CRLS1: variants seen among roughly 807,000 people sequenced by gnomAD.
The protein encoded by CRLS1 is cardiolipin synthase (CMP-forming).
In CRLS1, 24 loss-of-function variants were observed where a neutral mutation model predicts 37.0. The ratio of observed to expected loss-of-function variants is 0.65; its 90% CI spans 0.47 to 0.91. CRLS1 has a LOEUF of 0.91. Ranked by LOEUF, CRLS1 falls within the 40% of genes least tolerant of loss-of-function variation. The probability of loss-of-function intolerance (pLI) is 0.00; values close to 1 mark genes in which losing one functional copy is unlikely to be tolerated. For synonymous variants in CRLS1, 135 were observed against 159.7 expected, an observed-to-expected ratio of 0.85 and a Z score of 1.17; for missense variants, 373 against 395.8, an observed-to-expected ratio of 0.94 and a Z score of 0.49.
chr20:6,011,572 CTTTTTTTTT>C (rs559511975), intron 2 of CRLS1, among the ~76,000 whole-genome samples: 132 of 27,838 alleles, frequency 4.7e-3, no homozygotes, highest in Middle Eastern at 0.05. Flanking sequence ...TTTGTCCCTG[CTTTTTTTTT>C]TTTTTTTTTT....
At chr20:6,015,808 G>T in intron 3 of CRLS1, 1 of 271,532 alleles carries the variant, frequency 3.7e-6, no homozygotes, top group South Asian at 3.7e-5. Flanking sequence ...TTAGTGCCTA[G>T]CTTTTCAAAA....
Position 6,009,855 on chromosome 20 carries a change from TGAA to T in CRLS1, c.393_395del (p.Glu131del), listed in dbSNP as rs2090109419. 2.5e-6 allele frequency: 4 copies of T among 1,614,150 alleles called. No individual in the cohort carries two copies. In the East Asian group the frequency reaches 8.9e-5, roughly 36 times the overall value. ...CCCCAGTTCTGGGCTATTTGATTAT[TGAA>T]GAAGATTTTAATATTGCACTAGGAG... On this transcript the variant is annotated inframe_deletion, in exon 2 of 7. Coordinates refer to ENST00000378863, the MANE Select transcript of CRLS1 (RefSeq NM_019095.6).
In CRLS1 at chr20:6,039,270, TG is replaced by T; in HGVS notation, c.*2113del. On this transcript the variant is annotated 3_prime_UTR_variant, in exon 7 of 7. Transcript: ENST00000378863. The stretch of plus-strand genomic sequence containing the variant: ...TGCTTTGCAGTTTTGTTTGTGTGTG[TG>T]TGTGTGTGTGTGTGTGTGTGTGTGT... The T allele has an allele frequency of 3.4e-5, 1 of 29,112 alleles. No homozygotes were observed. The highest frequency in any genetic ancestry group is 6.3e-5 in the Non-Finnish European group (1 of 15,994). 1.8% of individuals were successfully genotyped at this position (29,112 alleles called of 1,614,324 possible). A position where few individuals can be genotyped will look rare whatever the true frequency, so the allele number is the denominator to read the frequency against.
intron 3 of CRLS1, among the ~76,000 whole-genome samples, chr20:6,028,903 T>TAACA (rs1358303217): frequency 6.6e-6 from 1 of 152,212 alleles, no homozygotes; most frequent in African/African-American, 2.4e-5. Flanking sequence ...AAAACTGTTT[T>TAACA]AACTCTAGAA....
chr20:6,016,258 T>C (rs948206582), intron 3 of CRLS1, among the ~76,000 whole-genome samples: 1 of 152,232 alleles, frequency 6.6e-6, no homozygotes. Context: ...CTCGGTATCA[T>C]GTTATTATTG....
intron 3 of CRLS1, chr20:6,023,545 G>T (rs1261584375): frequency 1.3e-5 from 2 of 152,094 alleles, no homozygotes; most frequent in African/African-American, 4.8e-5. Flanking sequence ...CCAACTTCGA[G>T]GGCTCTGGGC....
chr20:6,007,509 A>G (rs1251701825), intron 1 of CRLS1: 2 of 1,217,896 alleles, frequency 1.6e-6, no homozygotes, highest in Non-Finnish European at 2.4e-6. Flanking sequence ...CTTAACTGAA[A>G]TATTCTATGT....
In CRLS1 at chr20:6,014,052, C is replaced by T. The variant is rs188874700; in HGVS notation, c.445-1309C>T. On this transcript the variant is annotated intron_variant, in intron 2 of 6. Transcript: ENST00000378863. The stretch of plus-strand genomic sequence containing the variant: ...TCCCCAGGCTAGGTACTTTTCTGTT[C>T]GTATGCTTAAGAAGGAAATAGATTT... 5.9e-4 allele frequency among the ~76,000 whole-genome samples: 90 copies of T among 152,228 alleles called. 1 individual carries two copies. The highest frequency in any genetic ancestry group is 2.0e-3 in the African/African-American group (84 of 41,536).
At chr20:6,011,824 A>G (rs1423502992) in intron 2 of CRLS1, among the ~76,000 whole-genome samples, 1 of 151,168 alleles carries the variant, frequency 6.6e-6, no homozygotes. Flanking sequence ...GACCTCAGGT[A>G]ATCCACCCAC....
At chr20:6,018,239 T>TAAAAA (rs1978923042) in intron 3 of CRLS1, among the ~76,000 whole-genome samples, 1 of 91,526 alleles carries the variant, frequency 1.1e-5, no homozygotes, top group Non-Finnish European at 2.2e-5. Context: ...AAAAAAAAAT[T>TAAAAA]ATTTTCTTAT....
chr20:6,009,953 T>C, intron 2 of CRLS1, 41 bp downstream of exon 2: 1 of 1,602,720 alleles, frequency 6.2e-7, no homozygotes. Flanking sequence ...TCCTTCCAAA[T>C]CCTGGTCTGT....
At chr20:6,030,988 T>TAA (rs968545875) in intron 3 of CRLS1, among the ~76,000 whole-genome samples, 35 of 151,900 alleles carry the variant, frequency 2.3e-4, no homozygotes, top group East Asian at 1.9e-4. Flanking sequence ...ACTAATAGCT[T>TAA]AAAAACATGC....
chr20:6,013,100 T>C (rs190896550), intron 2 of CRLS1, among the ~76,000 whole-genome samples: 51 of 152,082 alleles, frequency 3.4e-4, no homozygotes, highest in African/African-American at 1.2e-3. Context: ...CACAGAAGGG[T>C]CTTTTAAAAA....
At chr20:6,029,502 C>T (rs1276004945) in intron 3 of CRLS1, among the ~76,000 whole-genome samples, 1 of 152,032 alleles carries the variant, frequency 6.6e-6, no homozygotes, top group Non-Finnish European at 1.5e-5. Context: ...GCTGGGATTA[C>T]AGGCATGCCA....
intron 3 of CRLS1, among the ~76,000 whole-genome samples, chr20:6,022,573 A>G (rs111480316): frequency 0.11 from 16,546 of 152,118 alleles, 1,020 homozygotes; most frequent in Middle Eastern, 0.22. Context: ...TTTGAGCTCA[A>G]GCAATCCACC....
intron 2 of CRLS1, among the ~76,000 whole-genome samples, chr20:6,011,183 G>T (rs1454664221): frequency 1.3e-5 from 2 of 152,178 alleles, no homozygotes; most frequent in African/African-American, 4.8e-5. Flanking sequence ...ATCCAGACAG[G>T]CGGTGCTTTG....
rs1980708768 is a variant in CRLS1, at chr20:6,038,185, A to G, written c.*1027A>G. On this transcript the variant is annotated 3_prime_UTR_variant, in exon 7 of 7. Coordinates refer to ENST00000378863, the MANE Select transcript of CRLS1 (RefSeq NM_019095.6). ...ATTAGTCTGACCATCTGACTTTAAA[A>G]GACTGTTGCTACACGTACATCATGT... 6.6e-6 allele frequency: 1 copy of G among 152,272 alleles called. No homozygotes were observed. The highest frequency in any genetic ancestry group is 1.5e-5 in the Non-Finnish European group (1 of 68,050). The allele number at this position is 152,272 out of a possible 1,614,324, so 9.4% of individuals were successfully genotyped here. A position where few individuals can be genotyped will look rare whatever the true frequency, so the allele number is the denominator to read the frequency against.
At chr20:6,030,953 G>A (rs909582507) in intron 3 of CRLS1, among the ~76,000 whole-genome samples, 1 of 152,206 alleles carries the variant, frequency 6.6e-6, no homozygotes, top group African/African-American at 2.4e-5. Flanking sequence ...ATAGCGCTGA[G>A]TAGAGCTGAT....
At chr20:6,035,669 T>A (rs1170468760) in intron 6 of CRLS1, among the ~76,000 whole-genome samples, 1 of 152,188 alleles carries the variant, frequency 6.6e-6, no homozygotes, top group African/African-American at 2.4e-5. Flanking sequence ...TCACCCAGCC[T>A]GTAGTACAGT....
Sources: gnomAD v4.1 joint callset for allele counts (sites outside exome capture counted in the v4.1 genomes callset) on GRCh38, gnomAD v4.1.1 for gene constraint, MANE v1.5 for transcripts, NCBI Gene and HGNC (gene_info 2026-07-23, HGNC 2026-07-21) for gene names.